The following GNAQ variants were observed in gnomAD, a reference collection of about 807,000 sequenced individuals.
GNAQ encodes the protein G protein subunit alpha q.
GNAQ carries 8 observed loss-of-function variants against 43.9 expected under a neutral mutation model. The ratio of observed to expected loss-of-function variants is 0.18; its 90% confidence interval spans 0.11 to 0.33. The LOEUF (loss-of-function observed/expected upper bound fraction) is 0.33. Ranked by LOEUF, GNAQ falls within the 10% of genes least tolerant of loss-of-function variation. The probability of loss-of-function intolerance (pLI) is 1.00; values close to 1 mark genes in which losing one functional copy is unlikely to be tolerated. For missense variants in GNAQ, 158 were observed against 450.8 expected (o/e 0.35, Z 5.88); for synonymous variants, 155 against 170.7 (o/e 0.91, Z 0.71).
chr9:77,897,797 G>A (rs149717395), intron 2 of GNAQ, among the ~76,000 whole-genome samples: 1,592 of 152,220 alleles, frequency 0.01, 12 homozygotes, highest in Non-Finnish European at 0.017. Flanking sequence ...TGTGAGGCTG[G>A]AAGGCACTGG....
intron 1 of GNAQ, among the ~76,000 whole-genome samples, chr9:77,936,402 A>G (rs528171112): frequency 6.6e-6 from 1 of 152,314 alleles, no homozygotes; most frequent in Non-Finnish European, 1.5e-5. Flanking sequence ...CATAAAAATA[A>G]CATTGGAGGA....
rs984305487 is a variant in GNAQ at position 77,797,369 on chromosome 9, T to A, written c.605+151A>T. On this transcript the variant is annotated intron_variant, in intron 4 of 6. Coordinates refer to ENST00000286548, the MANE Select transcript of GNAQ (RefSeq NM_002072.5). ...TTTCTGTTATTTCCTCCCTCAGGGA[T>A]ATGTCATTTTATTTGTATAACTAAT... 6.1e-5 allele frequency: 41 copies of A among 666,918 alleles called. No individual in the cohort carries two copies. The East Asian group carries it at 1.2e-3, about 19-fold the overall frequency. The allele number at this position is 666,918 out of a possible 1,614,324, so 41.3% of individuals were successfully genotyped here.
intron 1 of GNAQ, among the ~76,000 whole-genome samples, chr9:78,008,566 ATTTATTTCATTTCATTTCAT>A (rs1823733482): frequency 6.9e-6 from 1 of 145,632 alleles, no homozygotes; most frequent in African/African-American, 2.6e-5. Context: ...TTAACTATCG[ATTTATTTCATTTCATTTCAT>A]TTCATTTCAT....
intron 1 of GNAQ, among the ~76,000 whole-genome samples, chr9:77,995,429 A>T (rs1437511455): frequency 6.6e-6 from 1 of 152,190 alleles, no homozygotes; most frequent in Non-Finnish European, 1.5e-5. Flanking sequence ...CATCAAAAAA[A>T]GTCTTCAGCA....
intron 2 of GNAQ, among the ~76,000 whole-genome samples, chr9:77,913,797 A>G (rs1211732688): frequency 6.6e-6 from 1 of 152,214 alleles, no homozygotes; most frequent in Non-Finnish European, 1.5e-5. Context: ...GGTTATGGTT[A>G]TATTGACCCA....
In GNAQ at chr9:77,733,021, T is replaced by A. The variant is rs1368396905; in HGVS notation, c.736-4354A>T. 6.6e-5 allele frequency among the ~76,000 whole-genome samples: 10 copies of A among 152,254 alleles called. 1 individual carries two copies. In the South Asian group the frequency reaches 2.1e-3, roughly 32 times the overall value. On this transcript the variant is annotated intron_variant, in intron 5 of 6. Transcript: ENST00000286548. ...CTTCAGGTACATGAAGCCATGGAAATGTCAGACTCGCCTAGACCACACTGA... is the reference window on the plus strand; with the variant it reads ...CTTCAGGTACATGAAGCCATGGAAAAGTCAGACTCGCCTAGACCACACTGA...
chr9:77,941,857 T>A (rs1014233196), intron 1 of GNAQ, among the ~76,000 whole-genome samples: 2 of 151,638 alleles, frequency 1.3e-5, no homozygotes, highest in Non-Finnish European at 2.9e-5. Context: ...CAAATTCATA[T>A]GTAAACCTCA....
At chr9:77,782,346 G>C (rs1362458371) in intron 5 of GNAQ, among the ~76,000 whole-genome samples, 1 of 152,138 alleles carries the variant, frequency 6.6e-6, no homozygotes, top group Admixed American at 6.5e-5. Context: ...TTGTACATCT[G>C]TTCACTTCAC....
chr9:77,929,020 T>C (rs1363012899), intron 1 of GNAQ, among the ~76,000 whole-genome samples: 1 of 152,090 alleles, frequency 6.6e-6, no homozygotes, highest in African/African-American at 2.4e-5. Context: ...TGTCTCTAAA[T>C]AAATAAATAA....
chr9:77,829,086 C>T (rs999669661), intron 2 of GNAQ, among the ~76,000 whole-genome samples: 1 of 152,108 alleles, frequency 6.6e-6, no homozygotes, highest in African/African-American at 2.4e-5. Flanking sequence ...TGGGGCCATT[C>T]ATGGAACTTG....
chr9:77,795,407 T>C (rs761011287), intron 4 of GNAQ, among the ~76,000 whole-genome samples: 4 of 152,170 alleles, frequency 2.6e-5, no homozygotes, highest in Admixed American at 2.6e-4. Context: ...TTTCTCCAAA[T>C]TGTTGAATCC....
rs187613855 is a variant in GNAQ at position 77,772,674 on chromosome 9, C to T, written c.735+21789G>A. Among the ~76,000 whole-genome samples, 242 of 152,298 alleles carry T rather than the reference C, an allele frequency of 1.6e-3. 2 individuals carry two copies. The highest frequency in any genetic ancestry group is 8.1e-3 in the South Asian group (39 of 4,830). On this transcript the variant is annotated intron_variant, in intron 5 of 6. Coordinates refer to ENST00000286548, the MANE Select transcript of GNAQ (RefSeq NM_002072.5). Reference sequence around the variant, plus strand: ...CTGGTTCAAGGTACTAATAAAGCATCTTCACCCTGGTTCTTCCTGGTTACG... The same window carrying T: ...CTGGTTCAAGGTACTAATAAAGCATTTTCACCCTGGTTCTTCCTGGTTACG...
chr9:77,755,009 G>T (rs1015017400), intron 5 of GNAQ, among the ~76,000 whole-genome samples: 3 of 152,136 alleles, frequency 2.0e-5, no homozygotes, highest in African/African-American at 7.2e-5. Context: ...AATGGATAAA[G>T]AAAATGTGAT....
At chr9:77,872,992 C>A (rs759562110) in intron 2 of GNAQ, among the ~76,000 whole-genome samples, 4 of 152,156 alleles carry the variant, frequency 2.6e-5, no homozygotes, top group Non-Finnish European at 4.4e-5. Flanking sequence ...TGAGAATGTT[C>A]CCACAAAGAC....
intron 3 of GNAQ, among the ~76,000 whole-genome samples, chr9:77,807,802 T>A (rs1190760334): frequency 6.6e-6 from 1 of 152,202 alleles, no homozygotes; most frequent in Non-Finnish European, 1.5e-5. Context: ...TGTGTGTGTG[T>A]GAGAATGAAA....
intron 2 of GNAQ, among the ~76,000 whole-genome samples, chr9:77,841,655 T>C (rs1827493037): frequency 6.6e-6 from 1 of 152,204 alleles, no homozygotes; most frequent in African/African-American, 2.4e-5. Flanking sequence ...GCCCAACTAT[T>C]ATATGTAAAC....
intron 3 of GNAQ, among the ~76,000 whole-genome samples, chr9:77,814,127 G>T (rs879765374): frequency 2.6e-5 from 4 of 152,050 alleles, no homozygotes; most frequent in Non-Finnish European, 5.9e-5. Flanking sequence ...AAGGACAGAG[G>T]GGGCAGGAGT....
At chr9:78,020,816 C>G (rs777783905) in intron 1 of GNAQ, among the ~76,000 whole-genome samples, 4 of 152,142 alleles carry the variant, frequency 2.6e-5, no homozygotes, top group Non-Finnish European at 5.9e-5. Context: ...GGCACTCATT[C>G]AACTGCAAAT....
chr9:77,963,491 T>C (rs1823130268), intron 1 of GNAQ, among the ~76,000 whole-genome samples: 1 of 152,084 alleles, frequency 6.6e-6, no homozygotes, highest in African/African-American at 2.4e-5. Context: ...AGCATTTCTT[T>C]GAAGAACTAT....
Sources: allele counts gnomAD v4.1 joint callset (sites outside exome capture counted in the v4.1 genomes callset), GRCh38; gene constraint gnomAD v4.1.1; transcripts MANE v1.5; gene names NCBI Gene and HGNC (gene_info 2026-07-23, HGNC 2026-07-21).